The following DTWD2 variants were observed in gnomAD, a reference collection of about 807,000 sequenced individuals.
DTWD2 encodes tRNA-uridine aminocarboxypropyltransferase 2.
Under a neutral mutation model 31.8 loss-of-function variants are expected in DTWD2, and 39 were observed. That is an observed-to-expected ratio of 1.22 (90% CI 0.95 to 1.60). DTWD2 has a LOEUF of 1.60. Ranked by LOEUF, DTWD2 falls within the 40% of genes most tolerant of loss-of-function variation. The pLI is 0.00. For synonymous variants in DTWD2, 180 were observed against 142.8 expected (o/e 1.26, Z -1.86); for missense variants, 515 against 381.5 (o/e 1.35, Z -2.92).
chr5:118,923,815 G>C (rs1029457570), intron 4 of DTWD2, among the ~76,000 whole-genome samples: 1 of 152,112 alleles, frequency 6.6e-6, no homozygotes, highest in African/African-American at 2.4e-5. Flanking sequence ...GGTAACTCAG[G>C]GTAACTCGGA....
intron 4 of DTWD2, among the ~76,000 whole-genome samples, chr5:118,923,572 C>T (rs1486494918): frequency 1.3e-5 from 2 of 152,170 alleles, no homozygotes; most frequent in Non-Finnish European, 2.9e-5. Flanking sequence ...GGGAAAGAGG[C>T]GAACCTATAA....
chr5:118,896,540 A>T (rs1222952623), intron 4 of DTWD2, among the ~76,000 whole-genome samples: 1 of 152,226 alleles, frequency 6.6e-6, no homozygotes, highest in African/African-American at 2.4e-5. Context: ...AAACCAGAGA[A>T]GGTATAGATA....
intron 4 of DTWD2, among the ~76,000 whole-genome samples, chr5:118,891,043 C>A (rs1287718979): frequency 6.6e-6 from 1 of 152,116 alleles, no homozygotes; most frequent in African/African-American, 2.4e-5. Context: ...CATATTTATA[C>A]AACAACTTTA....
intron 1 of DTWD2, among the ~76,000 whole-genome samples, chr5:118,961,318 A>C (rs1754701492): frequency 6.6e-6 from 1 of 152,214 alleles, no homozygotes; most frequent in African/African-American, 2.4e-5. Context: ...CAAATATAAA[A>C]TATAGCAAAC....
At chr5:118,868,838 TA>T (rs758949446) in intron 4 of DTWD2, among the ~76,000 whole-genome samples, 6,281 of 107,816 alleles carry the variant, frequency 0.058, 417 homozygotes, top group African/African-American at 0.18. Context: ...CCCTGTCTCT[TA>T]AAAAAAAAAA....
At chr5:118,872,966 C>A (rs1439713198) in intron 4 of DTWD2, among the ~76,000 whole-genome samples, 2 of 152,068 alleles carry the variant, frequency 1.3e-5, no homozygotes, top group Non-Finnish European at 2.9e-5. Context: ...AGAAGCTGGG[C>A]AGAAGGAGGA....
rs1474148835 is a variant in DTWD2 at position 118,939,216 on chromosome 5, A to T, written c.384T>A (p.Gly128=). ...TTTACCTTTCTTCACTGAAGCGACG[A>T]CCGATCTTCACTTTACACTTGTCCT... ...LPQDKCKVKI[G]RRFSEERDPE... The change falls in exon 3 of 6, where the codon GGT becomes GGA. Residue 128 remains glycine, a synonymous_variant. Coordinates refer to ENST00000510708, the MANE Select transcript of DTWD2 (RefSeq NM_173666.4). 6.2e-7 allele frequency: 1 copy of T among 1,605,716 alleles called. No individual in the cohort carries two copies. Among genetic ancestry groups the T allele is most frequent in the Admixed American group, 1.7e-5 (1 of 58,862 alleles).
rs145311334 is a variant in DTWD2, at chr5:118,933,199, G to C, written c.405-4470C>G. ...TAATCTTCTAAAAAAGAAATCACCA[G>C]GCCCAGGTGGTTTCAGCAGTGAATT... On this transcript the variant is annotated intron_variant, in intron 3 of 5. Coordinates refer to ENST00000510708, the MANE Select transcript of DTWD2 (RefSeq NM_173666.4). Among the ~76,000 whole-genome samples, 456 of 152,208 alleles carry C rather than the reference G, an allele frequency of 3.0e-3. 2 individuals carry two copies. Among genetic ancestry groups the C allele is most frequent in the African/African-American group, 0.01 (435 of 41,540 alleles).
At chr5:118,905,789 G>A (rs1753314505) in intron 4 of DTWD2, among the ~76,000 whole-genome samples, 1 of 151,980 alleles carries the variant, frequency 6.6e-6, no homozygotes, top group African/African-American at 2.4e-5. Context: ...CACCCTTCAT[G>A]CATAAAAGTA....
chr5:118,984,038 G>A (rs763521997), intron 1 of DTWD2, among the ~76,000 whole-genome samples: 3 of 152,220 alleles, frequency 2.0e-5, no homozygotes, highest in Non-Finnish European at 2.9e-5. Context: ...TGTAATCCCA[G>A]CACTTTGGGA....
chr5:118,965,339 C>T (rs1349081824), intron 1 of DTWD2, among the ~76,000 whole-genome samples: 3 of 132,862 alleles, frequency 2.3e-5, no homozygotes, highest in East Asian at 2.6e-4. Context: ...CCACCCCGTC[C>T]GGGAGGTGAG....
intron 3 of DTWD2, among the ~76,000 whole-genome samples, chr5:118,938,523 T>C (rs1162511967): frequency 2.6e-5 from 4 of 152,146 alleles, no homozygotes; most frequent in Non-Finnish European, 5.9e-5. Flanking sequence ...TTAATAGTTC[T>C]AATTTGCTTT....
intron 3 of DTWD2, among the ~76,000 whole-genome samples, chr5:118,935,323 A>G (rs1754012829): frequency 6.6e-6 from 1 of 152,180 alleles, no homozygotes; most frequent in African/African-American, 2.4e-5. Context: ...GAGTTGTGGA[A>G]GCCCCAACTT....
At chr5:118,890,429 AT>A (rs148915307) in intron 4 of DTWD2, among the ~76,000 whole-genome samples, 3,699 of 152,214 alleles carry the variant, frequency 0.024, 61 homozygotes, top group Non-Finnish European at 0.027. Flanking sequence ...TTTAGACAGA[AT>A]GCAATCCTAA....
chr5:118,977,037 G>A (rs953159480), intron 1 of DTWD2, among the ~76,000 whole-genome samples: 3 of 152,106 alleles, frequency 2.0e-5, no homozygotes, highest in African/African-American at 7.2e-5. Flanking sequence ...TTCAACATAT[G>A]CAAATCAATA....
At chr5:118,870,315 C>T (rs1580777231) in intron 4 of DTWD2, among the ~76,000 whole-genome samples, 1 of 152,270 alleles carries the variant, frequency 6.6e-6, no homozygotes, top group East Asian at 1.9e-4. Context: ...ACTAAACATA[C>T]ATCAGAATAG....
At chr5:118,951,427 T>C (rs556229015) in intron 1 of DTWD2, among the ~76,000 whole-genome samples, 5 of 152,148 alleles carry the variant, frequency 3.3e-5, no homozygotes, top group African/African-American at 9.6e-5. Flanking sequence ...CGAGTTGCAT[T>C]GGGAGCAGAG....
At chr5:118,944,975 C>CA (rs1422471901) in intron 1 of DTWD2, among the ~76,000 whole-genome samples, 2 of 152,222 alleles carry the variant, frequency 1.3e-5, no homozygotes, top group Middle Eastern at 3.4e-3. Flanking sequence ...CATTCCAAAT[C>CA]AAAAAGAGAT....
At chr5:118,851,700 GA>G (rs1340324023) in intron 4 of DTWD2, among the ~76,000 whole-genome samples, 1 of 108,480 alleles carries the variant, frequency 9.2e-6, no homozygotes, top group African/African-American at 3.5e-5. Context: ...GGGGTGGGGG[GA>G]GGGGGGAGGG....
Sources: gnomAD v4.1 joint callset for allele counts (sites outside exome capture counted in the v4.1 genomes callset) on GRCh38, gnomAD v4.1.1 for gene constraint, MANE v1.5 for transcripts, NCBI Gene and HGNC (gene_info 2026-07-23, HGNC 2026-07-21) for gene names.